Variants in GLRA3 observed in about 807,000 individuals in gnomAD.
The protein encoded by GLRA3 is glycine receptor subunit alpha-3.
A neutral mutation model predicts 60.4 loss-of-function variants in GLRA3; 44 were observed. The observed-to-expected ratio is 0.73, with a 90% CI of 0.57 to 0.94. The LOEUF is 0.94. Among genes scored for constraint, GLRA3 ranks in the 40% least tolerant of loss-of-function variants. The probability of loss-of-function intolerance (pLI) is 0.00; values close to 1 mark genes in which losing one functional copy is unlikely to be tolerated. For synonymous variants in GLRA3, 223 were observed against 192.9 expected (o/e 1.16, Z -1.29); for missense variants, 508 against 564.6 (o/e 0.90, Z 1.02).
chr4:174,713,000 G>C (rs1735778208), intron 5 of GLRA3, among the ~76,000 whole-genome samples: 1 of 151,614 alleles, frequency 6.6e-6, no homozygotes, highest in Non-Finnish European at 1.5e-5. Context: ...ATGTGAGTGT[G>C]TGTATGTATA....
intron 3 of GLRA3, among the ~76,000 whole-genome samples, chr4:174,754,781 T>C (rs1579556059): frequency 1.3e-5 from 2 of 152,248 alleles, no homozygotes; most frequent in East Asian, 3.9e-4. Flanking sequence ...ACCTAGCCTG[T>C]TTATGAAATA....
At chr4:174,747,064 T>A (rs1345019395) in intron 3 of GLRA3, among the ~76,000 whole-genome samples, 1 of 152,188 alleles carries the variant, frequency 6.6e-6, no homozygotes, top group East Asian at 1.9e-4. Flanking sequence ...ATAATCAAAC[T>A]ACATATATTA....
chr4:174,667,319 T>A (rs191870017), intron 7 of GLRA3, among the ~76,000 whole-genome samples: 38 of 152,100 alleles, frequency 2.5e-4, no homozygotes, highest in Non-Finnish European at 4.4e-5. Flanking sequence ...GGAGGGCGAT[T>A]TCTATTTGTC....
chr4:174,707,924 A>G (rs1735573227), intron 5 of GLRA3, among the ~76,000 whole-genome samples: 1 of 152,164 alleles, frequency 6.6e-6, no homozygotes, highest in East Asian at 1.9e-4. Context: ...AAAGATGTGG[A>G]CAGACTAGAA....
At chr4:174,764,422 C>T (rs1738058074) in intron 3 of GLRA3, among the ~76,000 whole-genome samples, 1 of 151,952 alleles carries the variant, frequency 6.6e-6, no homozygotes, top group South Asian at 2.1e-4. Flanking sequence ...TATGAATTCT[C>T]AGACATAAAT....
chr4:174,698,057 C>T (rs115545170), intron 5 of GLRA3, among the ~76,000 whole-genome samples: 8,844 of 152,194 alleles, frequency 0.058, 301 homozygotes, highest in South Asian at 0.12. Flanking sequence ...AATCAATTCA[C>T]TAAATAGGCC....
intron 3 of GLRA3, among the ~76,000 whole-genome samples, chr4:174,729,729 AT>A (rs1409917443): frequency 6.6e-6 from 1 of 152,206 alleles, no homozygotes; most frequent in African/African-American, 2.4e-5. Context: ...TATAGACCTC[AT>A]TGTAAGCATG....
At chr4:174,661,907 C>T (rs554841603) in intron 7 of GLRA3, among the ~76,000 whole-genome samples, 1 of 152,328 alleles carries the variant, frequency 6.6e-6, no homozygotes, top group African/African-American at 2.4e-5. Context: ...AGAAAAGCTA[C>T]GTCCGTATTT....
At chr4:174,747,498 T>G (rs576015505) in intron 3 of GLRA3, among the ~76,000 whole-genome samples, 8 of 152,110 alleles carry the variant, frequency 5.3e-5, no homozygotes. Flanking sequence ...AGATCTTATT[T>G]GAGTTTTAGA....
chr4:174,802,041 T>G (rs1414922540), intron 1 of GLRA3, among the ~76,000 whole-genome samples: 1 of 151,874 alleles, frequency 6.6e-6, no homozygotes, highest in Admixed American at 6.6e-5. Context: ...TAAATATTTT[T>G]GAAATGAATT....
chr4:174,685,275 G>T (rs193224458), intron 5 of GLRA3, among the ~76,000 whole-genome samples: 433 of 152,250 alleles, frequency 2.8e-3, no homozygotes, highest in Non-Finnish European at 4.4e-3. Flanking sequence ...TCCAGCTGTG[G>T]TGGTAGTGAC....
At chr4:174,672,336 A>C (rs13147308) in intron 7 of GLRA3, among the ~76,000 whole-genome samples, 29,231 of 152,052 alleles carry the variant, frequency 0.19, 2,975 homozygotes, top group East Asian at 0.38. Flanking sequence ...GAAAACTTAA[A>C]CAAATAATTT....
intron 7 of GLRA3, among the ~76,000 whole-genome samples, chr4:174,671,992 A>AG (rs1339290256): frequency 6.6e-6 from 1 of 152,176 alleles, no homozygotes; most frequent in African/African-American, 2.4e-5. Flanking sequence ...AGAAATTGAA[A>AG]GGGAAAAAAT....
chr4:174,806,471 C>T (rs1444909039), intron 1 of GLRA3, among the ~76,000 whole-genome samples: 1 of 152,078 alleles, frequency 6.6e-6, no homozygotes. Context: ...GTATCTGTGT[C>T]AAGTTCTGCA....
intron 5 of GLRA3, 39 bp from the exon 6 acceptor site, chr4:174,682,978 G>A (rs1316946854): frequency 6.5e-7 from 1 of 1,543,776 alleles, no homozygotes; most frequent in Admixed American, 1.7e-5. Flanking sequence ...AGTCTAAAAA[G>A]GGCATTCAAA....
chr4:174,798,742 G>A (rs536357893), intron 1 of GLRA3, among the ~76,000 whole-genome samples: 1 of 152,264 alleles, frequency 6.6e-6, no homozygotes, highest in South Asian at 2.1e-4. Flanking sequence ...GGCTAACACG[G>A]TGAAACCCCG....
In GLRA3 at chr4:174,828,934, G is replaced by A. The variant is rs1741092272; in HGVS notation, c.-123C>T. On this transcript the variant is annotated 5_prime_UTR_variant, in exon 1 of 10. Coordinates refer to ENST00000274093, the MANE Select transcript of GLRA3 (RefSeq NM_006529.4). ...GTTGGTGTAGACTGATGCTTGGGAA[G>A]CTTCAGCACCTTAGACAGCTCCCCG... The A allele has an allele frequency of 2.7e-6, 2 of 728,696 alleles. No homozygotes were observed. The highest frequency in any genetic ancestry group is 4.9e-6 in the Non-Finnish European group (2 of 405,020). The allele number at this position is 728,696 out of a possible 1,614,324, so 45.1% of individuals were successfully genotyped here. A position where few individuals can be genotyped will look rare whatever the true frequency, so the allele number is the denominator to read the frequency against.
Position 174,643,352 on chromosome 4 carries a change from CTATACT to C in GLRA3, c.*428_*433del. ...AACTAATTATTTTCCCATTTTGTAACTATACTATAAGAAAATAGTTTTAAATCTCAA... is the reference window on the plus strand; with the variant it reads ...AACTAATTATTTTCCCATTTTGTAACATAAGAAAATAGTTTTAAATCTCAA... On this transcript the variant is annotated 3_prime_UTR_variant, in exon 10 of 10. Coordinates refer to ENST00000274093, the MANE Select transcript of GLRA3 (RefSeq NM_006529.4). The C allele has an allele frequency of 2.6e-6, 1 of 380,032 alleles. No individual in the cohort carries two copies. Among genetic ancestry groups the C allele is most frequent in the Non-Finnish European group, 2.9e-6 (1 of 339,894 alleles). The allele number at this position is 380,032 out of a possible 1,614,324, so 23.5% of individuals were successfully genotyped here. A position where few individuals can be genotyped will look rare whatever the true frequency, so the allele number is the denominator to read the frequency against.
At chr4:174,775,752 C>G (rs1357479149) in intron 2 of GLRA3, among the ~76,000 whole-genome samples, 8 of 152,112 alleles carry the variant, frequency 5.3e-5, no homozygotes, top group Non-Finnish European at 1.2e-4. Context: ...AAACATGCTT[C>G]TAGTTTCAGA....
Sources: allele counts gnomAD v4.1 joint callset (sites outside exome capture counted in the v4.1 genomes callset), GRCh38; gene constraint gnomAD v4.1.1; transcripts MANE v1.5; gene names NCBI Gene and HGNC (gene_info 2026-07-23, HGNC 2026-07-21).